PTPRM: variants seen among roughly 807,000 people sequenced by gnomAD.
PTPRM encodes receptor-type tyrosine-protein phosphatase mu.
In PTPRM, 47 loss-of-function variants were observed where a neutral mutation model predicts 186.7. The observed-to-expected ratio is 0.25, with a 90% CI of 0.20 to 0.32. The LOEUF is 0.32. Ranked by LOEUF, PTPRM falls within the 10% of genes least tolerant of loss-of-function variation. The pLI is 1.00. For missense variants in PTPRM, 1,494 were observed against 1,865.0 expected, an observed-to-expected ratio of 0.80 and a Z score of 3.66; for synonymous variants, 668 against 674.9, an observed-to-expected ratio of 0.99 and a Z score of 0.16.
intron 1 of PTPRM, among the ~76,000 whole-genome samples, chr18:7,759,968 A>T (rs1026250787): frequency 1.3e-5 from 2 of 152,188 alleles, no homozygotes; most frequent in Non-Finnish European, 2.9e-5. Flanking sequence ...GGATAGGAAC[A>T]GTCACCTAAA....
chr18:8,190,417 T>G (rs1321456791), intron 14 of PTPRM, among the ~76,000 whole-genome samples: 1 of 152,226 alleles, frequency 6.6e-6, no homozygotes, highest in Non-Finnish European at 1.5e-5. Context: ...TCCTCTAAGT[T>G]CACCCATATT....
rs115525260 is a variant in PTPRM at position 7,979,083 on chromosome 18, G to A, written c.1132+23669G>A. Among the ~76,000 whole-genome samples, 146 of 152,188 alleles carry A rather than the reference G, an allele frequency of 9.6e-4. 1 individual carries two copies. Among genetic ancestry groups the A allele is most frequent in the African/African-American group, 2.8e-3 (118 of 41,518 alleles). ...CATTCCTGGCTATATTGAAGCTATA[G>A]CTGTTGCCAAAGTGTCTGAAAACAA... On this transcript the variant is annotated intron_variant, in intron 7 of 32. Coordinates refer to ENST00000580170, the MANE Select transcript of PTPRM (RefSeq NM_001105244.2).
At chr18:8,134,482 CCTT>C (rs2092590969) in intron 13 of PTPRM, among the ~76,000 whole-genome samples, 1 of 152,118 alleles carries the variant, frequency 6.6e-6, no homozygotes, top group East Asian at 1.9e-4. Flanking sequence ...TCTTCGTAGT[CCTT>C]CTTTTTTACC....
At chr18:8,063,312 C>A (rs532511233) in intron 7 of PTPRM, among the ~76,000 whole-genome samples, 3 of 150,758 alleles carry the variant, frequency 2.0e-5, no homozygotes, top group Admixed American at 6.5e-5. Flanking sequence ...CGCCCTGCTT[C>A]GGCTTGCGCA....
intron 22 of PTPRM, among the ~76,000 whole-genome samples, chr18:8,328,643 G>T (rs1298054256): frequency 6.6e-6 from 1 of 152,214 alleles, no homozygotes; most frequent in Non-Finnish European, 1.5e-5. Flanking sequence ...GATGCTTTGA[G>T]AAAATGTGAT....
chr18:7,964,199 C>T (rs1358915070), intron 7 of PTPRM, among the ~76,000 whole-genome samples: 8 of 152,076 alleles, frequency 5.3e-5, no homozygotes, highest in African/African-American at 9.7e-5. Context: ...GTACTGCATA[C>T]GTATGTGTTT....
chr18:8,084,939 A>C (rs2090352408), intron 9 of PTPRM, among the ~76,000 whole-genome samples: 1 of 152,128 alleles, frequency 6.6e-6, no homozygotes, highest in South Asian at 2.1e-4. Flanking sequence ...AGTATCATGA[A>C]AACTTCTAGA....
chr18:8,255,346 A>G (rs932599861), intron 19 of PTPRM, among the ~76,000 whole-genome samples: 1 of 152,216 alleles, frequency 6.6e-6, no homozygotes, highest in Non-Finnish European at 1.5e-5. Flanking sequence ...ATTTAAAAAT[A>G]CCTACTTCCT....
chr18:7,586,281 G>A (rs573930562), intron 1 of PTPRM, among the ~76,000 whole-genome samples: 1 of 152,080 alleles, frequency 6.6e-6, no homozygotes, highest in Non-Finnish European at 1.5e-5. Flanking sequence ...TCTGTTGGTT[G>A]GTTAGTCAGG....
At chr18:8,141,211 C>CTG (rs2092758920) in intron 13 of PTPRM, among the ~76,000 whole-genome samples, 1 of 152,194 alleles carries the variant, frequency 6.6e-6, no homozygotes, top group South Asian at 2.1e-4. Flanking sequence ...TATCCGAGGG[C>CTG]TGTTTGTGTT....
intron 9 of PTPRM, among the ~76,000 whole-genome samples, chr18:8,079,324 T>C (rs1326886460): frequency 6.6e-6 from 1 of 152,204 alleles, no homozygotes; most frequent in Non-Finnish European, 1.5e-5. Flanking sequence ...AACCTGGGTC[T>C]GATCATTACA....
At chr18:8,143,585 C>G in intron 13 of PTPRM, 62 bp from the exon 14 acceptor site, 1 of 1,510,380 alleles carries the variant, frequency 6.6e-7, no homozygotes. Context: ...ATTTTTTAAA[C>G]TGTGGCATCT....
At chr18:8,143,822 G>A (rs1490452641) in intron 14 of PTPRM, 43 bp downstream of exon 14, 1 of 1,605,126 alleles carries the variant, frequency 6.2e-7, no homozygotes, top group South Asian at 1.1e-5. Flanking sequence ...ATATCCCATT[G>A]TTTGCTGGAA....
intron 32 of PTPRM, chr18:8,405,128 A>C (rs2095896873): frequency 6.7e-6 from 1 of 149,524 alleles, no homozygotes; most frequent in Non-Finnish European, 1.5e-5. Context: ...GCACCACCGC[A>C]CTCCAGCTTG....
chr18:8,082,781 G>A (rs1237966124), intron 9 of PTPRM, among the ~76,000 whole-genome samples: 1 of 151,540 alleles, frequency 6.6e-6, no homozygotes, highest in African/African-American at 2.4e-5. Flanking sequence ...TTCACTTCCA[G>A]CCCAGTCCTT....
intron 1 of PTPRM, among the ~76,000 whole-genome samples, chr18:7,572,412 A>G (rs1256206753): frequency 6.6e-6 from 1 of 152,184 alleles, no homozygotes; most frequent in East Asian, 1.9e-4. Flanking sequence ...TTCTGTGACA[A>G]TTCTAGAAAA....
intron 1 of PTPRM, among the ~76,000 whole-genome samples, chr18:7,695,734 C>A (rs1031996796): frequency 2.6e-5 from 4 of 152,128 alleles, no homozygotes; most frequent in African/African-American, 9.7e-5. Context: ...CACTTAGTGC[C>A]AGGCTGCATA....
intron 22 of PTPRM, among the ~76,000 whole-genome samples, chr18:8,325,859 A>G (rs1003679886): frequency 5.3e-5 from 8 of 152,120 alleles, no homozygotes; most frequent in African/African-American, 1.4e-4. Context: ...TTTCTTTTTA[A>G]TAATAGCCAT....
At chr18:8,084,215 T>C (rs1231202467) in intron 9 of PTPRM, among the ~76,000 whole-genome samples, 1 of 152,072 alleles carries the variant, frequency 6.6e-6, no homozygotes, top group Non-Finnish European at 1.5e-5. Context: ...ATGTTTCAAA[T>C]GTGTGGGTGA....
Sources: allele counts gnomAD v4.1 joint callset (sites outside exome capture counted in the v4.1 genomes callset), GRCh38; gene constraint gnomAD v4.1.1; transcripts MANE v1.5; gene names NCBI Gene and HGNC (gene_info 2026-07-23, HGNC 2026-07-21).